ETS1: variants seen among roughly 807,000 people sequenced by gnomAD.
The protein encoded by ETS1 is protein C-ets-1.
A neutral mutation model predicts 58.6 loss-of-function variants in ETS1; 15 were observed. The observed-to-expected ratio is 0.26, with a 90% CI of 0.17 to 0.39. The LOEUF (loss-of-function observed/expected upper bound fraction) is 0.39, where lower values mean the gene tolerates loss of function less well. Ranked by LOEUF, ETS1 falls within the 10% of genes least tolerant of loss-of-function variation. The probability of loss-of-function intolerance (pLI) is 1.00; values close to 1 mark genes in which losing one functional copy is unlikely to be tolerated. For synonymous variants in ETS1, 214 were observed against 218.2 expected, an observed-to-expected ratio of 0.98 and a Z score of 0.17; for missense variants, 417 against 610.5, an observed-to-expected ratio of 0.68 and a Z score of 3.34.
intron 3 of ETS1, among the ~76,000 whole-genome samples, chr11:128,553,223 G>A (rs1163588775): frequency 2.0e-5 from 3 of 152,176 alleles, no homozygotes; most frequent in Non-Finnish European, 4.4e-5. Flanking sequence ...GGGAGGAGGG[G>A]GAAGAGGCGG....
intron 3 of ETS1, among the ~76,000 whole-genome samples, chr11:128,513,661 A>G (rs968688550): frequency 6.6e-6 from 1 of 152,248 alleles, no homozygotes; most frequent in African/African-American, 2.4e-5. Flanking sequence ...AAGATATCAA[A>G]TAGGAGAAAT....
intron 3 of ETS1, chr11:128,522,198 C>G: frequency 8.1e-7 from 1 of 1,235,478 alleles, no homozygotes; most frequent in Non-Finnish European, 1.0e-6. Flanking sequence ...CACTTTGCGG[C>G]GAAGTGAGCG....
chr11:128,582,283 A>T (rs1246966236), intron 1 of ETS1, among the ~76,000 whole-genome samples: 1 of 152,216 alleles, frequency 6.6e-6, no homozygotes, highest in East Asian at 1.9e-4. Flanking sequence ...TTAACCTCAC[A>T]ATCAGTTTCC....
intron 8 of ETS1, among the ~76,000 whole-genome samples, chr11:128,476,368 C>T (rs1437771703): frequency 2.0e-5 from 3 of 152,200 alleles, no homozygotes; most frequent in African/African-American, 4.8e-5. Flanking sequence ...TCTAGGCAGG[C>T]AACTGCAATA....
intron 7 of ETS1, among the ~76,000 whole-genome samples, chr11:128,483,646 TC>T (rs940241757): frequency 6.6e-6 from 1 of 152,182 alleles, no homozygotes; most frequent in African/African-American, 2.4e-5. Flanking sequence ...GCAGGGACTT[TC>T]CCTCTGCAGG....
chr11:128,548,797 C>T (rs1565405602), intron 3 of ETS1, among the ~76,000 whole-genome samples: 1 of 152,326 alleles, frequency 6.6e-6, no homozygotes, highest in East Asian at 1.9e-4. Context: ...TTGCTGGCAG[C>T]GCCGGGGTTA....
Position 128,563,262 on chromosome 11 carries a change from C to A in ETS1, c.70-6827G>T, listed in dbSNP as rs906575230. Among the ~76,000 whole-genome samples the A allele has an allele frequency of 2.6e-5, 4 of 152,192 alleles. No homozygotes were observed. In the South Asian group the frequency reaches 8.3e-4, roughly 32 times the overall value. ...AAGACACTATACATATTTCTAGATG[C>A]TAGTGCTTTCTAAAAATATTTTAAA... is the stretch of plus-strand genomic sequence containing the variant. On this transcript the variant is annotated intron_variant, in intron 2 of 9. Coordinates refer to ENST00000392668, the MANE Select transcript of ETS1 (RefSeq NM_001143820.2).
At chr11:128,536,537 A>G (rs1863975617) in intron 3 of ETS1, 1 of 152,226 alleles carries the variant, frequency 6.6e-6, no homozygotes, top group South Asian at 2.1e-4. Context: ...AGATCTTAAG[A>G]GCTTAAGATT....
Position 128,559,955 on chromosome 11 carries a change from A to G in ETS1, c.70-3520T>C. 1.3e-5 allele frequency among the ~76,000 whole-genome samples: 2 copies of G among 152,208 alleles called. 1 individual carries two copies. ...CTTGGCTGCAACTGGAGATGAGTCAACAAGATGCAAGCAACACTCCCCATC... is the reference window on the plus strand; with the variant it reads ...CTTGGCTGCAACTGGAGATGAGTCAGCAAGATGCAAGCAACACTCCCCATC... On this transcript the variant is annotated intron_variant, in intron 2 of 9. Coordinates refer to ENST00000392668, the MANE Select transcript of ETS1 (RefSeq NM_001143820.2).
intron 7 of ETS1, among the ~76,000 whole-genome samples, chr11:128,484,002 C>T (rs1862558445): frequency 6.6e-6 from 1 of 152,180 alleles, no homozygotes; most frequent in Admixed American, 6.5e-5. Flanking sequence ...CAATAGATTG[C>T]ATTTTTCTCA....
At chr11:128,565,066 T>TAAAAC (rs1250129390) in intron 2 of ETS1, among the ~76,000 whole-genome samples, 13 of 49,680 alleles carry the variant, frequency 2.6e-4, no homozygotes, top group South Asian at 5.1e-4. Flanking sequence ...ATAAAATAAA[T>TAAAAC]GTGTTTGTAA....
chr11:128,582,264 G>A (rs1864889948), intron 1 of ETS1, among the ~76,000 whole-genome samples: 1 of 152,142 alleles, frequency 6.6e-6, no homozygotes, highest in Non-Finnish European at 1.5e-5. Context: ...ATGGCCATGA[G>A]CAAATTTCTT....
intron 2 of ETS1, among the ~76,000 whole-genome samples, chr11:128,569,318 CTTTTTTTTTT>C (rs398018017): frequency 8.1e-4 from 32 of 39,472 alleles, no homozygotes; most frequent in African/African-American, 3.4e-3. Context: ...AGAGTTTCTT[CTTTTTTTTTT>C]TTTTTTTTTT....
intron 3 of ETS1, among the ~76,000 whole-genome samples, chr11:128,505,893 C>G (rs1052041962): frequency 2.0e-5 from 3 of 152,190 alleles, no homozygotes; most frequent in African/African-American, 7.2e-5. Context: ...TGTCTGCATG[C>G]AGCTGGTGAA....
rs1378011155 is a variant in ETS1, at chr11:128,459,459, G to A, written c.*2902C>T. 1 of 152,680 alleles carries A rather than the reference G, an allele frequency of 6.5e-6. No homozygotes were observed. Among genetic ancestry groups the A allele is most frequent in the Non-Finnish European group, 1.5e-5 (1 of 68,022 alleles). 9.5% of individuals were successfully genotyped at this position (152,680 alleles called of 1,614,324 possible). The stretch of plus-strand genomic sequence containing the variant: ...CAATCCCCACAGCCACAAAAATCAG[G>A]GCTCTATGTAGGGGAAGTCCCTCTC... On this transcript the variant is annotated 3_prime_UTR_variant, in exon 10 of 10. Transcript: ENST00000392668.
At chr11:128,487,525 G>A (rs1380414947) in intron 5 of ETS1, among the ~76,000 whole-genome samples, 1 of 152,146 alleles carries the variant, frequency 6.6e-6, no homozygotes, top group Admixed American at 6.5e-5. Context: ...CAGATCACGA[G>A]GTCAAGGGAT....
intron 3 of ETS1, among the ~76,000 whole-genome samples, chr11:128,513,332 A>G (rs1863439047): frequency 6.6e-6 from 1 of 152,236 alleles, no homozygotes; most frequent in South Asian, 2.1e-4. Context: ...ACAGGTCGTC[A>G]TTCCAATGAA....
rs1861833079 is a variant in ETS1, at chr11:128,458,815, T to C, written c.*3546A>G. On this transcript the variant is annotated 3_prime_UTR_variant, in exon 10 of 10. Coordinates refer to ENST00000392668, the MANE Select transcript of ETS1 (RefSeq NM_001143820.2). The surrounding 1 kb of genome is among the most constrained non-coding windows in gnomAD (Gnocchi z 4.3). ...ATTTCACACAGTTTAAAATACAATA[T>C]GAAATCAGGCTACAGTATATAAAAA... 6.5e-6 allele frequency: 1 copy of C among 152,750 alleles called. No individual in the cohort carries two copies. Among genetic ancestry groups the C allele is most frequent in the Non-Finnish European group, 1.5e-5 (1 of 68,022 alleles). 9.5% of individuals were successfully genotyped at this position (152,750 alleles called of 1,614,324 possible).
chr11:128,522,280 G>A lies in ETS1; in HGVS notation c.215-31704C>T, dbSNP rs1863701668. 5 of 1,115,824 alleles carry A rather than the reference G, an allele frequency of 4.5e-6. No homozygotes were observed. The Admixed American group carries it at 1.6e-4, about 35-fold the overall frequency. The allele number at this position is 1,115,824 out of a possible 1,614,324, so 69.1% of individuals were successfully genotyped here. A position where few individuals can be genotyped will look rare whatever the true frequency, so the allele number is the denominator to read the frequency against. On this transcript the variant is annotated intron_variant, in intron 3 of 9. Transcript: ENST00000392668. The stretch of plus-strand genomic sequence containing the variant: ...GGCCCTCGCCCGCTCCCTCCTCTCC[G>A]CCGGCGGCTGCCTCGTTCGCTCTCG...
Sources: gnomAD v4.1 joint callset for allele counts (sites outside exome capture counted in the v4.1 genomes callset) on GRCh38, gnomAD v4.1.1 for gene constraint, Gnocchi (gnomAD v3.1) non-coding constraint, MANE v1.5 for transcripts, NCBI Gene and HGNC (gene_info 2026-07-23, HGNC 2026-07-21) for gene names.